Variants in UBE3A observed in about 807,000 individuals in gnomAD.
UBE3A encodes ubiquitin protein ligase E3A, also known as ubiquitin-protein ligase E3A.
Under a neutral mutation model 83.4 loss-of-function variants are expected in UBE3A, and 6 were observed. That is an observed-to-expected ratio of 0.07 (90% CI 0.04 to 0.14). The LOEUF (loss-of-function observed/expected upper bound fraction) is 0.14. Among genes scored for constraint, UBE3A ranks in the 10% least tolerant of loss-of-function variants. The pLI, the probability that UBE3A is intolerant of heterozygous loss-of-function variation, is 1.00. For synonymous variants in UBE3A, 337 were observed against 355.4 expected (o/e 0.95, Z 0.58); for missense variants, 456 against 1,036.1 (o/e 0.44, Z 7.69).
chr15:25,399,086 A>G (rs2086458425), intron 4 of UBE3A, among the ~76,000 whole-genome samples: 1 of 151,660 alleles, frequency 6.6e-6, no homozygotes, highest in African/African-American at 2.4e-5. Flanking sequence ...TGAGTTCCTT[A>G]TATATTTTGC....
chr15:25,391,704 G>A (rs1465229373), intron 4 of UBE3A: 1 of 152,134 alleles, frequency 6.6e-6, no homozygotes, highest in Non-Finnish European at 1.5e-5. Flanking sequence ...AGAGCCATAG[G>A]ACAAGTCTCT....
intron 11 of UBE3A, chr15:25,346,298 G>C (rs1350465219): frequency 2.6e-5 from 4 of 152,566 alleles, no homozygotes; most frequent in Non-Finnish European, 5.9e-5. Context: ...GCGAGCCCCA[G>C]TGGACTGAGA....
chr15:25,343,566 CAAAG>C (rs1465272311), intron 11 of UBE3A, among the ~76,000 whole-genome samples: 6 of 151,994 alleles, frequency 3.9e-5, no homozygotes, highest in African/African-American at 1.2e-4. Flanking sequence ...AATTAAAAAA[CAAAG>C]AAAATGAATA....
intron 6 of UBE3A, among the ~76,000 whole-genome samples, chr15:25,367,175 ATTTGTAAATATGTAAATATTTACAT>A (rs2152789492): frequency 9.9e-6 from 1 of 100,828 alleles, no homozygotes; most frequent in African/African-American, 5.5e-5. Context: ...ATATTTACAT[ATTTGTAAATATGTAAATATTTACAT>A]ATTTGTAAAT....
chr15:25,401,595 C>T (rs1203391137), intron 4 of UBE3A, among the ~76,000 whole-genome samples: 2 of 152,138 alleles, frequency 1.3e-5, no homozygotes, highest in Admixed American at 6.6e-5. Context: ...ATTGTTCAGT[C>T]TCTTATGATC....
At chr15:25,434,877 G>C (rs147816897) in intron 1 of UBE3A, among the ~76,000 whole-genome samples, 1 of 151,994 alleles carries the variant, frequency 6.6e-6, no homozygotes, top group Admixed American at 6.6e-5. Context: ...ATCTATCCAT[G>C]TACTGCCAGA....
chr15:25,377,733 T>C (rs1328960929), intron 4 of UBE3A, among the ~76,000 whole-genome samples: 1 of 152,132 alleles, frequency 6.6e-6, no homozygotes, highest in African/African-American at 2.4e-5. Context: ...AATTTGACAA[T>C]TTTACAAAAA....
chr15:25,347,137 TGGAAAA>T (rs2075810524), intron 11 of UBE3A: 1 of 152,126 alleles, frequency 6.6e-6, no homozygotes, highest in Non-Finnish European at 1.5e-5. Flanking sequence ...GATGGAATCT[TGGAAAA>T]AATAATGGAA....
intron 4 of UBE3A, among the ~76,000 whole-genome samples, chr15:25,396,424 A>C (rs1473871085): frequency 6.6e-6 from 1 of 152,016 alleles, no homozygotes; most frequent in Non-Finnish European, 1.5e-5. Context: ...TGGGCAACAT[A>C]GTGAGACCCT....
At chr15:25,365,265 A>G (rs1344729903) in intron 6 of UBE3A, among the ~76,000 whole-genome samples, 4 of 152,310 alleles carry the variant, frequency 2.6e-5, no homozygotes, top group East Asian at 3.9e-4. Context: ...TCAAAATATG[A>G]TATTACTAGA....
chr15:25,416,320 T>G (rs1182400190), intron 1 of UBE3A, among the ~76,000 whole-genome samples: 1 of 152,186 alleles, frequency 6.6e-6, no homozygotes, highest in Non-Finnish European at 1.5e-5. Flanking sequence ...TCACTTCCAT[T>G]CTTAAAATGG....
intron 4 of UBE3A, among the ~76,000 whole-genome samples, chr15:25,395,286 T>C (rs1244535662): frequency 6.6e-6 from 1 of 152,218 alleles, no homozygotes; most frequent in Non-Finnish European, 1.5e-5. Context: ...GTTCTGTGCA[T>C]AGTAAATAAC....
chr15:25,364,192 AG>A (rs1221673830), intron 6 of UBE3A, among the ~76,000 whole-genome samples: 1 of 152,034 alleles, frequency 6.6e-6, no homozygotes, highest in African/African-American at 2.4e-5. Context: ...TGGGTGACAG[AG>A]TTAAGACCCT....
intron 5 of UBE3A, 193 bp downstream of exon 5, chr15:25,375,272 C>A (rs889390482): frequency 3.1e-6 from 2 of 637,958 alleles, no homozygotes; most frequent in African/African-American, 3.7e-5. Flanking sequence ...GGCATATGAT[C>A]TGCTTCTAAT....
chr15:25,353,939 A>G (rs1004096686), intron 11 of UBE3A: 1 of 240,554 alleles, frequency 4.2e-6, no homozygotes, highest in African/African-American at 2.3e-5. Flanking sequence ...TATCTTAAGA[A>G]TTAAATAAAA....
chr15:25,426,084 G>C (rs144020219), intron 1 of UBE3A, among the ~76,000 whole-genome samples: 1,637 of 152,100 alleles, frequency 0.011, 15 homozygotes, highest in Non-Finnish European at 0.016. Flanking sequence ...AACTACAGAA[G>C]GTAGACTCAC....
chr15:25,434,417 T>G (rs1384487832), intron 1 of UBE3A, among the ~76,000 whole-genome samples: 1 of 152,152 alleles, frequency 6.6e-6, no homozygotes, highest in East Asian at 1.9e-4. Flanking sequence ...AAACAAAAAT[T>G]TTTAATATTA....
intron 11 of UBE3A, among the ~76,000 whole-genome samples, chr15:25,349,973 T>G (rs960392404): frequency 1.3e-5 from 2 of 152,136 alleles, no homozygotes; most frequent in Non-Finnish European, 2.9e-5. Flanking sequence ...ATTTAAAACT[T>G]AAGAGTTGTT....
At chr15:25,364,036 T>TAATAAATAAATAAATA (rs370238150) in intron 6 of UBE3A, among the ~76,000 whole-genome samples, 7,866 of 137,514 alleles carry the variant, frequency 0.057, 273 homozygotes, top group Middle Eastern at 0.094. Context: ...TACAAAAAAC[T>TAATAAATAAATAAATA]AATAAATAAA....
Sources: allele counts gnomAD v4.1 joint callset (sites outside exome capture counted in the v4.1 genomes callset), GRCh38; gene constraint gnomAD v4.1.1; transcripts MANE v1.5; gene names NCBI Gene and HGNC (gene_info 2026-07-23, HGNC 2026-07-21).